Variants in CAMSAP2 observed in about 807,000 individuals in gnomAD.
The protein encoded by CAMSAP2 is calmodulin-regulated spectrin-associated protein 2.
In CAMSAP2, 26 loss-of-function variants were observed where a neutral mutation model predicts 146.1. The ratio of observed to expected loss-of-function variants is 0.18; its 90% CI spans 0.13 to 0.25. The LOEUF is 0.25. CAMSAP2 is among the 10% of genes least tolerant of loss of function. CAMSAP2 has a pLI of 1.00. For missense variants in CAMSAP2, 1,381 were observed against 1,759.3 expected (o/e 0.78, Z 3.85); for synonymous variants, 499 against 596.6 (o/e 0.84, Z 2.38).
intron 2 of CAMSAP2, among the ~76,000 whole-genome samples, chr1:200,804,877 A>C (rs181117023): frequency 1.6e-3 from 243 of 151,902 alleles, no homozygotes; most frequent in African/African-American, 5.3e-3. Context: ...TTTCTGAAAC[A>C]TATTTTTTTG....
At chr1:200,840,253 C>T (rs901518465) in intron 6 of CAMSAP2, among the ~76,000 whole-genome samples, 3 of 152,048 alleles carry the variant, frequency 2.0e-5, no homozygotes, top group Non-Finnish European at 2.9e-5. Flanking sequence ...ACCTAAGAGT[C>T]ATCACTCTTG....
At position 200,829,968 on chromosome 1, in the gene CAMSAP2, CA is replaced by C. The variant is rs200774112; in HGVS notation, c.646-2224del. The stretch of plus-strand genomic sequence containing the variant: ...AATAAAATAAAAATAAAACAAACAA[CA>C]AAAAAAAGGAGAAGAAAATAAATAT... On this transcript the variant is annotated intron_variant, in intron 4 of 16. Coordinates refer to ENST00000358823, the MANE Select transcript of CAMSAP2 (RefSeq NM_203459.4). Among the ~76,000 whole-genome samples the C allele has an allele frequency of 3.3e-3, 506 of 151,078 alleles. 1 individual carries two copies. Among genetic ancestry groups the C allele is most frequent in the African/African-American group, 0.011 (435 of 41,262 alleles).
rs1393467661 is a variant in CAMSAP2 at position 200,842,990 on chromosome 1, A to G, written c.1021+903A>G. Among the ~76,000 whole-genome samples the G allele has an allele frequency of 4.6e-5, 7 of 152,010 alleles. No individual in the cohort carries two copies. In the South Asian group the frequency reaches 1.2e-3, roughly 27 times the overall value. ...GACACCATCTCAAAAAAAAAAGAAAAAAAAAAAAAACTAGAGGTTTATTTC... is the reference window on the plus strand; with the variant it reads ...GACACCATCTCAAAAAAAAAAGAAAGAAAAAAAAAACTAGAGGTTTATTTC... On this transcript the variant is annotated intron_variant, in intron 7 of 16. Coordinates refer to ENST00000358823, the MANE Select transcript of CAMSAP2 (RefSeq NM_203459.4).
chr1:200,795,580 G>C (rs949015397), intron 2 of CAMSAP2, among the ~76,000 whole-genome samples: 2 of 152,144 alleles, frequency 1.3e-5, no homozygotes, highest in Admixed American at 1.3e-4. Flanking sequence ...AAGTCGATGA[G>C]TCTGCTCAGG....
intron 13 of CAMSAP2, among the ~76,000 whole-genome samples, chr1:200,854,295 TA>T (rs1292569392): frequency 6.6e-6 from 1 of 152,104 alleles, no homozygotes; most frequent in African/African-American, 2.4e-5. Flanking sequence ...CTCTTATTTT[TA>T]AAAAAATCTT....
rs1553287677 is a variant in CAMSAP2, at chr1:200,814,131, C to CGGGGGGAGGGGTGGGCA, written c.562-1414_562-1413insAGGGGGGAGGGGTGGGC. On this transcript the variant is annotated intron_variant, in intron 3 of 16. Transcript: ENST00000358823. Reference sequence around the variant, plus strand: ...TCCAAAAAAAAAAAAAAAAAGGTGGCGGGGGGAGGGGTGGGCGGGTGGGGA... The same window carrying CGGGGGGAGGGGTGGGCA: ...TCCAAAAAAAAAAAAAAAAAGGTGGCGGGGGGAGGGGTGGGCAGGGGGGAGGGGTGGGCGGGTGGGGA... Among the ~76,000 whole-genome samples the CGGGGGGAGGGGTGGGCA allele has an allele frequency of 2.9e-3, 42 of 14,304 alleles. 1 individual carries two copies. The highest frequency in any genetic ancestry group is 8.9e-3 in the African/African-American group (37 of 4,172). 9.4% of individuals were successfully genotyped at this position (14,304 alleles called of 152,430 possible). A position where few individuals can be genotyped will look rare whatever the true frequency, so the allele number is the denominator to read the frequency against.
intron 4 of CAMSAP2, among the ~76,000 whole-genome samples, chr1:200,817,164 A>C (rs1395965414): frequency 1.3e-5 from 1 of 79,734 alleles, no homozygotes; most frequent in Non-Finnish European, 2.3e-5. Flanking sequence ...ACATACACAC[A>C]CGTGTGTGTA....
chr1:200,798,046 C>T (rs200252298), intron 2 of CAMSAP2, among the ~76,000 whole-genome samples: 19,522 of 149,778 alleles, frequency 0.13, 1,250 homozygotes, highest in East Asian at 0.17. Flanking sequence ...TGTTTTGGTA[C>T]CAGTACCATG....
chr1:200,755,489 T>C (rs1664622007), intron 1 of CAMSAP2, among the ~76,000 whole-genome samples: 1 of 152,194 alleles, frequency 6.6e-6, no homozygotes, highest in South Asian at 2.1e-4. Context: ...CTGAGTAGGC[T>C]GATGGCTTAT....
In CAMSAP2 at chr1:200,857,013, G is replaced by A. The variant is rs190332315; in HGVS notation, c.4013-293G>A. Among the ~76,000 whole-genome samples, 6 of 152,186 alleles carry A rather than the reference G, an allele frequency of 3.9e-5. No individual in the cohort carries two copies. The highest frequency in any genetic ancestry group is 2.1e-4 in the South Asian group (1 of 4,824). ...TTCTACTCTAAGCTAACCAGTAACC[G>A]TATAGATTTAAGAAAGAAGGTTAAA... On this transcript the variant is annotated intron_variant, in intron 15 of 16. Coordinates refer to ENST00000358823, the MANE Select transcript of CAMSAP2 (RefSeq NM_203459.4). The surrounding 1 kb of genome is among the most constrained non-coding windows in gnomAD (Gnocchi z 4.7).
Position 200,785,513 on chromosome 1 carries a change from G to A in CAMSAP2, c.400-21863G>A, listed in dbSNP as rs185434463. ...AAGCGATTCTCCTATCTCAGCCTCC[G>A]AAGTAGCTGGGATTACAGGTGTCCC... is the stretch of plus-strand genomic sequence containing the variant. On this transcript the variant is annotated intron_variant, in intron 2 of 16. Transcript: ENST00000358823. 3.5e-3 allele frequency among the ~76,000 whole-genome samples: 470 copies of A among 134,524 alleles called. 10 individuals carry two copies. The highest frequency in any genetic ancestry group is 0.032 in the Admixed American group (422 of 13,026). The allele number at this position is 134,524 out of a possible 152,430, so 88.3% of individuals were successfully genotyped here.
At chr1:200,747,137 A>G (rs1664356140) in intron 1 of CAMSAP2, among the ~76,000 whole-genome samples, 1 of 152,082 alleles carries the variant, frequency 6.6e-6, no homozygotes, top group Non-Finnish European at 1.5e-5. Context: ...GTATTCAAGC[A>G]CTTTTCCTGC....
At chr1:200,828,318 C>G (rs1666955108) in intron 4 of CAMSAP2, among the ~76,000 whole-genome samples, 1 of 151,994 alleles carries the variant, frequency 6.6e-6, no homozygotes, top group African/African-American at 2.4e-5. Flanking sequence ...CTAAAGTATA[C>G]AGCATATTCT....
At chr1:200,784,850 T>C (rs1163999519) in intron 2 of CAMSAP2, among the ~76,000 whole-genome samples, 2 of 152,202 alleles carry the variant, frequency 1.3e-5, no homozygotes, top group African/African-American at 2.4e-5. Flanking sequence ...TGAGTTCCCA[T>C]TGTTAAATGT....
intron 2 of CAMSAP2, among the ~76,000 whole-genome samples, chr1:200,788,710 C>T (rs1665663853): frequency 2.0e-5 from 3 of 150,108 alleles, no homozygotes; most frequent in Admixed American, 6.6e-5. Flanking sequence ...GGCACAATCT[C>T]GGCTCATTGC....
In CAMSAP2 at chr1:200,847,298, A is replaced by G. The variant is rs1468223459; in HGVS notation, c.1192+6A>G. 2 of 1,594,800 alleles carry G rather than the reference A, an allele frequency of 1.3e-6. No homozygotes were observed. The highest frequency in any genetic ancestry group is 2.2e-5 in the East Asian group (1 of 44,722). On this transcript the variant is annotated splice_donor_region_variant and intron_variant, in intron 9 of 16. Transcript: ENST00000358823. ...GGCTCATTCTTCAGCCTCAGGTAATATATTTGAAAAAGCCTAGGAAAATAC... is the reference window on the plus strand; with the variant it reads ...GGCTCATTCTTCAGCCTCAGGTAATGTATTTGAAAAAGCCTAGGAAAATAC...
At chr1:200,781,091 A>G (rs1206068392) in intron 2 of CAMSAP2, among the ~76,000 whole-genome samples, 3 of 152,148 alleles carry the variant, frequency 2.0e-5, no homozygotes, top group African/African-American at 7.2e-5. Context: ...GCTGTTACTG[A>G]TGGTTATTTT....
In CAMSAP2 at chr1:200,854,839, G is replaced by A. The variant is rs767170173; in HGVS notation, c.3846G>A (p.Ser1282=). Residue 1282 remains serine (S), a synonymous_variant, in exon 14 of 17, where the codon TCG becomes TCA. Coordinates refer to ENST00000358823, the MANE Select transcript of CAMSAP2 (RefSeq NM_203459.4). ...GPPVSSLSLA[S]LNTGDNESVH... ...CAGTCTCTAGCCTTTCTTTGGCATC[G>A]CTGAACACGGGTGATAACGAGAGTG... 2.4e-5 allele frequency: 39 copies of A among 1,610,724 alleles called. No individual in the cohort carries two copies. The highest frequency in any genetic ancestry group is 1.7e-4 in the Middle Eastern group (1 of 6,048).
rs1247547012 is a variant in CAMSAP2 at position 200,849,913 on chromosome 1, G to T, written c.3144G>T (p.Gly1048=). ...EVKKEELESK[G]TLEQRGHNPE... ...AAAAGGAGGAATTGGAATCCAAAGG[G>T]ACTTTGGAACAGCGTGGACATAATC... The change falls in exon 11 of 17, where the codon GGG becomes GGT. Residue 1048 remains glycine, a synonymous_variant. Coordinates refer to ENST00000358823, the MANE Select transcript of CAMSAP2 (RefSeq NM_203459.4). The surrounding 1 kb of genome is among the most constrained non-coding windows in gnomAD (Gnocchi z 6.3). 5 of 1,613,810 alleles carry T rather than the reference G, an allele frequency of 3.1e-6. No homozygotes were observed. The highest frequency in any genetic ancestry group is 4.2e-6 in the Non-Finnish European group (5 of 1,179,768).
Sources: allele counts gnomAD v4.1 joint callset (sites outside exome capture counted in the v4.1 genomes callset), GRCh38; gene constraint gnomAD v4.1.1; non-coding constraint Gnocchi (gnomAD v3.1); transcripts MANE v1.5; gene names NCBI Gene and HGNC (gene_info 2026-07-23, HGNC 2026-07-21).